PUDP: variants seen among roughly 807,000 people sequenced by gnomAD.
PUDP encodes the protein pseudouridine 5'-phosphatase, also known as pseudouridine-5'-phosphatase.
PUDP carries 8 observed loss-of-function variants against 9.4 expected under a neutral mutation model. The observed-to-expected ratio is 0.85, with a 90% CI of 0.50 to 1.53. The LOEUF (loss-of-function observed/expected upper bound fraction) is 1.53. Ranked by LOEUF, PUDP falls within the 40% of genes most tolerant of loss-of-function variation. PUDP has a pLI of 0.00. For missense variants in PUDP, 188 were observed against 189.7 expected, an observed-to-expected ratio of 0.99 and a Z score of 0.05; for synonymous variants, 99 against 80.7, an observed-to-expected ratio of 1.23 and a Z score of -1.22.
intron 3 of PUDP, among the ~76,000 whole-genome samples, chrX:6,897,997 G>A (rs941538090): frequency 2.7e-5 from 3 of 112,419 alleles, no homozygotes; most frequent in Non-Finnish European, 5.6e-5. Flanking sequence ...ATGGAGAGAA[G>A]TACTTCACGC....
chrX:7,118,516 G>A (rs1312734273), intron 1 of PUDP, among the ~76,000 whole-genome samples: 4 of 111,943 alleles, frequency 3.6e-5, no homozygotes, highest in African/African-American at 1.3e-4. Context: ...TACTGCACCC[G>A]TATGACTGGC....
chrX:7,035,068 A>G (rs1569143272), intron 1 of PUDP, among the ~76,000 whole-genome samples: 1 of 111,981 alleles, frequency 8.9e-6, no homozygotes, highest in Non-Finnish European at 1.9e-5. Context: ...CTTGAACACT[A>G]TTTTGAAAGT....
chrX:7,043,402 T>C (rs1456477125), intron 1 of PUDP, among the ~76,000 whole-genome samples: 2 of 111,385 alleles, frequency 1.8e-5, no homozygotes. Context: ...CACCATGTCA[T>C]CTGTGCACAC....
intron 3 of PUDP, among the ~76,000 whole-genome samples, chrX:6,885,843 C>G (rs964894155): frequency 1.8e-5 from 2 of 112,582 alleles, no homozygotes; most frequent in East Asian, 5.6e-4. Flanking sequence ...GGTGATATTG[C>G]AACACCAAAC....
intron 1 of PUDP, among the ~76,000 whole-genome samples, chrX:7,037,333 G>A (rs192303184): frequency 6.0e-4 from 67 of 112,086 alleles, no homozygotes; most frequent in Non-Finnish European, 9.2e-4. Context: ...ATCTTCACCA[G>A]GCAGCTTTGG....
In PUDP at chrX:7,099,347, A is replaced by G. The variant is rs186568548; in HGVS notation, c.280+6273T>C. Among the ~76,000 whole-genome samples, 8 of 112,422 alleles carry G rather than the reference A, an allele frequency of 7.1e-5. No individual in the cohort carries two copies. The Admixed American group carries it at 7.5e-4, about 11-fold the overall frequency. Reference sequence around the variant, plus strand: ...CATTTCCAGTTGTAATACGGTACCTATTTTTAAAATCCCTAGAAAACTCAC... The same window carrying G: ...CATTTCCAGTTGTAATACGGTACCTGTTTTTAAAATCCCTAGAAAACTCAC... On this transcript the variant is annotated intron_variant, in intron 2 of 3. Transcript: ENST00000381077.
intron 3 of PUDP, among the ~76,000 whole-genome samples, chrX:6,751,581 T>A (rs987391177): frequency 9.9e-5 from 11 of 111,602 alleles, no homozygotes; most frequent in African/African-American, 3.6e-4. Flanking sequence ...GCCACAATCC[T>A]ATTAGGTAAG....
rs55692944 is a variant in PUDP at position 7,024,754 on chromosome X, C to CTTTTTTTTTTTTTTTTTTTT, written c.205-46412_205-46411insAAAAAAAAAAAAAAAAAAAA. ...GGCGCTCGCCACCTCGCCCGGCTAA[C>CTTTTTTTTTTTTTTTTTTTT]TTTTTTTTTTTTTTTTTTAGTAGAG... is the stretch of plus-strand genomic sequence containing the variant. On this transcript the variant is annotated intron_variant and NMD_transcript_variant, in intron 1 of 3. Coordinates refer to the PUDP transcript ENST00000655425. 1.5e-4 allele frequency among the ~76,000 whole-genome samples: 8 copies of CTTTTTTTTTTTTTTTTTTTT among 54,456 alleles called. 1 individual carries two copies. In the East Asian group the frequency reaches 3.6e-3, roughly 24 times the overall value. The allele number at this position is 54,456 out of a possible 115,157, so 47.3% of individuals were successfully genotyped here. A position where few individuals can be genotyped will look rare whatever the true frequency, so the allele number is the denominator to read the frequency against.
intron 3 of PUDP, among the ~76,000 whole-genome samples, chrX:6,797,174 T>A (rs1238090351): frequency 8.9e-6 from 1 of 111,931 alleles, no homozygotes; most frequent in Admixed American, 9.5e-5. Flanking sequence ...TTGGCAGTGG[T>A]ATCAAATTAT....
rs190174963 is a variant in PUDP, at chrX:6,787,439, G to A, written c.*248-80973C>T. Among the ~76,000 whole-genome samples the A allele has an allele frequency of 4.9e-3, 553 of 112,040 alleles. 3 individuals are homozygous for A. The highest frequency in any genetic ancestry group is 8.5e-3 in the Non-Finnish European group (454 of 53,223). ...AGGCAGACACCCAGCGAAGAGGGTC[G>A]TTGCTATGCCATTGCTGAAGACAAT... On this transcript the variant is annotated intron_variant and NMD_transcript_variant, in intron 3 of 3. Coordinates refer to the PUDP transcript ENST00000655425.
rs183937374 is a variant in PUDP at position 7,110,473 on chromosome X, T to C, written c.62-4635A>G. Among the ~76,000 whole-genome samples, 624 of 111,611 alleles carry C rather than the reference T, an allele frequency of 5.6e-3. 4 individuals carry two copies. Among genetic ancestry groups the C allele is most frequent in the African/African-American group, 0.02 (604 of 30,654 alleles). On this transcript the variant is annotated intron_variant, in intron 1 of 3. Coordinates refer to ENST00000381077, the MANE Select transcript of PUDP (RefSeq NM_012080.5). ...CTATCTTCAATTTTATAACTGTGAG[T>C]TGCGTTATTTACGGGGAAAACACCT...
intron 3 of PUDP, among the ~76,000 whole-genome samples, chrX:6,853,690 A>C (rs1926863036): frequency 8.9e-6 from 1 of 111,745 alleles, no homozygotes; most frequent in African/African-American, 3.2e-5. Context: ...TAGATTTGTC[A>C]ATTATAGATA....
intron 1 of PUDP, among the ~76,000 whole-genome samples, chrX:7,023,017 TCA>T (rs1480238871): frequency 1.8e-5 from 2 of 111,198 alleles, no homozygotes; most frequent in Non-Finnish European, 3.8e-5. Context: ...TGCATGGTGC[TCA>T]CACAGGGCTG....
At chrX:6,729,574 G>A (rs1256217880) in intron 3 of PUDP, among the ~76,000 whole-genome samples, 2 of 112,153 alleles carry the variant, frequency 1.8e-5, no homozygotes, top group Non-Finnish European at 3.8e-5. Flanking sequence ...ACCATGGAGG[G>A]ATTCTGAGTT....
intron 3 of PUDP, among the ~76,000 whole-genome samples, chrX:6,743,315 A>T (rs1414261232): frequency 8.9e-6 from 1 of 111,892 alleles, no homozygotes; most frequent in African/African-American, 3.3e-5. Context: ...TGTTTTGGAT[A>T]CAACACAAGC....
intron 1 of PUDP, among the ~76,000 whole-genome samples, chrX:7,042,095 T>G (rs1236572181): frequency 2.8e-5 from 3 of 108,786 alleles, no homozygotes; most frequent in Non-Finnish European, 5.7e-5. Flanking sequence ...CCACCATGCA[T>G]TCCCTTCTCC....
intron 1 of PUDP, among the ~76,000 whole-genome samples, chrX:7,130,461 T>C (rs1932591120): frequency 9.0e-6 from 1 of 110,950 alleles, no homozygotes; most frequent in Non-Finnish European, 1.9e-5. Context: ...AGGCTAATTA[T>C]CCAACTGTGT....
At chrX:6,984,079 T>C (rs1272289266) in intron 1 of PUDP, among the ~76,000 whole-genome samples, 2 of 112,405 alleles carry the variant, frequency 1.8e-5, no homozygotes, top group African/African-American at 6.5e-5. Flanking sequence ...TGGTGACAGT[T>C]AGAAATAAGA....
chrX:6,786,313 A>G (rs1485304636), intron 3 of PUDP, among the ~76,000 whole-genome samples: 2 of 111,984 alleles, frequency 1.8e-5, no homozygotes, highest in Admixed American at 9.5e-5. Flanking sequence ...CCCACAGGGT[A>G]TCTGTTTTTT....
Sources: allele counts gnomAD v4.1 joint callset (sites outside exome capture counted in the v4.1 genomes callset), GRCh38; gene constraint gnomAD v4.1.1; transcripts MANE v1.5; gene names NCBI Gene and HGNC (gene_info 2026-07-23, HGNC 2026-07-21).